CD48: variants seen among roughly 807,000 people sequenced by gnomAD.
The protein encoded by CD48 is CD48 antigen.
In CD48, 20 loss-of-function variants were observed where a neutral mutation model predicts 22.0. The observed-to-expected ratio is 0.91, with a 90% CI of 0.64 to 1.32. The LOEUF (loss-of-function observed/expected upper bound fraction) is 1.32. CD48 is among the 40% of genes most tolerant of loss of function. The pLI is 0.00. For missense variants in CD48, 307 were observed against 286.5 expected (o/e 1.07, Z -0.52); for synonymous variants, 110 against 110.1 (o/e 1.00, Z 0.01).
intron 1 of CD48, among the ~76,000 whole-genome samples, chr1:160,697,227 T>C (rs1386491172): frequency 6.6e-6 from 1 of 152,296 alleles, no homozygotes; most frequent in Non-Finnish European, 1.5e-5. Context: ...TTTGCTTGTG[T>C]TTCACCAGGA....
intron 1 of CD48, among the ~76,000 whole-genome samples, chr1:160,694,903 A>G (rs967380119): frequency 2.6e-4 from 39 of 152,180 alleles, no homozygotes; most frequent in Admixed American, 5.2e-4. Context: ...AAAGGGACAT[A>G]TTGAGCCTTC....
chr1:160,698,401 T>TTTAATTGCAGTGATTATGGGA (rs1236683297), intron 1 of CD48, among the ~76,000 whole-genome samples: 21 of 152,318 alleles, frequency 1.4e-4, no homozygotes, highest in African/African-American at 4.8e-4. Context: ...TCATTTTTAC[T>TTTAATTGCAGTGATTATGGGA]TTAATTGCAG....
chr1:160,711,621 C>G, intron 1 of CD48, 61 bp downstream of exon 1: 1 of 1,292,400 alleles, frequency 7.7e-7, no homozygotes, highest in South Asian at 1.2e-5. Flanking sequence ...TCCCGTCTCC[C>G]CTTTCCCAAC....
intron 1 of CD48, among the ~76,000 whole-genome samples, chr1:160,709,478 G>C (rs1369606378): frequency 6.6e-6 from 1 of 152,176 alleles, no homozygotes; most frequent in Non-Finnish European, 1.5e-5. Context: ...AAATTCCACA[G>C]CATGGAACCC....
At chr1:160,696,992 C>T (rs1445436729) in intron 1 of CD48, among the ~76,000 whole-genome samples, 2 of 151,256 alleles carry the variant, frequency 1.3e-5, no homozygotes, top group Non-Finnish European at 2.9e-5. Flanking sequence ...ATTAGTTAAA[C>T]AAAAAGAAGG....
At chr1:160,683,408 C>T (rs1055013353) in intron 2 of CD48, 1 of 152,094 alleles carries the variant, frequency 6.6e-6, no homozygotes, top group Admixed American at 6.5e-5. Flanking sequence ...TTTTTAAGTA[C>T]TCAGAAATTT....
In CD48 at chr1:160,681,205, G is replaced by A. The variant is rs1478908932; in HGVS notation, c.649C>T (p.Leu217=). ...AGCTCCCAGGGATCCTTCTTACCCA[G>A]GGTACAGGGTGGACTGAGGCAGACC... ...GTVCLSPPCT[L]ARSFGVEWIA... Residue 217 remains leucine, a synonymous_variant, in exon 3 of 4, where the codon CTG becomes TTG. Coordinates refer to ENST00000368046, the MANE Select transcript of CD48 (RefSeq NM_001778.4). 3 of 1,614,180 alleles carry A rather than the reference G, an allele frequency of 1.9e-6. No individual in the cohort carries two copies. Among genetic ancestry groups the A allele is most frequent in the Non-Finnish European group, 2.5e-6 (3 of 1,180,028 alleles).
At chr1:160,693,958 A>C (rs1051197610) in intron 1 of CD48, among the ~76,000 whole-genome samples, 6 of 152,248 alleles carry the variant, frequency 3.9e-5, no homozygotes, top group Non-Finnish European at 5.9e-5. Flanking sequence ...CAGTAGATTT[A>C]TGTACTATAC....
intron 1 of CD48, among the ~76,000 whole-genome samples, chr1:160,686,168 G>C (rs1661993263): frequency 6.6e-6 from 1 of 152,054 alleles, no homozygotes; most frequent in South Asian, 2.1e-4. Context: ...AAATTTTATG[G>C]CTGGCTTTGG....
chr1:160,694,681 A>G (rs901099586), intron 1 of CD48, among the ~76,000 whole-genome samples: 2 of 152,162 alleles, frequency 1.3e-5, no homozygotes, highest in South Asian at 2.1e-4. Context: ...AGGGACTAGG[A>G]AAAAATGAAG....
At chr1:160,701,827 A>G (rs1662639497) in intron 1 of CD48, among the ~76,000 whole-genome samples, 1 of 152,150 alleles carries the variant, frequency 6.6e-6, no homozygotes, top group Non-Finnish European at 1.5e-5. Flanking sequence ...AGCCAAGAGG[A>G]AGGCCATAAA....
At position 160,711,343 on chromosome 1, in the gene CD48, A is replaced by G. The variant is rs550633303; in HGVS notation, c.82+339T>C. On this transcript the variant is annotated intron_variant, in intron 1 of 3. Coordinates refer to ENST00000368046, the MANE Select transcript of CD48 (RefSeq NM_001778.4). ...AGTGTGTCTGAGCATAAAATGCAGC[A>G]GCTGTCAGTGTAGAGCTTCTTCTTA... Among the ~76,000 whole-genome samples, 7 of 152,356 alleles carry G rather than the reference A, an allele frequency of 4.6e-5. No individual in the cohort carries two copies. In the South Asian group the frequency reaches 1.0e-3, roughly 23 times the overall value.
intron 3 of CD48, among the ~76,000 whole-genome samples, chr1:160,679,384 T>C (rs913258820): frequency 1.3e-5 from 2 of 152,184 alleles, no homozygotes; most frequent in Admixed American, 1.3e-4. Flanking sequence ...CCTCGACATA[T>C]CTGTGGCCTG....
chr1:160,704,920 C>T (rs1337089021), intron 1 of CD48, among the ~76,000 whole-genome samples: 1 of 152,064 alleles, frequency 6.6e-6, no homozygotes, highest in Admixed American at 6.6e-5. Flanking sequence ...TCCATTGGTC[C>T]TTTTTGTGGA....
At chr1:160,708,663 G>T (rs186320196) in intron 1 of CD48, among the ~76,000 whole-genome samples, 33 of 152,298 alleles carry the variant, frequency 2.2e-4, no homozygotes, top group African/African-American at 7.7e-4. Flanking sequence ...CTAGACAAGT[G>T]GAGATGTCAT....
intron 1 of CD48, among the ~76,000 whole-genome samples, chr1:160,692,392 G>A (rs995385397): frequency 6.6e-6 from 1 of 152,168 alleles, no homozygotes; most frequent in Non-Finnish European, 1.5e-5. Context: ...AAAAGGTCCA[G>A]AATTAGTGGG....
intron 1 of CD48, among the ~76,000 whole-genome samples, chr1:160,689,957 A>G (rs1487807045): frequency 1.3e-5 from 2 of 152,204 alleles, no homozygotes; most frequent in African/African-American, 2.4e-5. Context: ...CAGTTACAGT[A>G]TTATCTTTAG....
At chr1:160,705,012 C>G (rs951552284) in intron 1 of CD48, among the ~76,000 whole-genome samples, 2 of 152,156 alleles carry the variant, frequency 1.3e-5, no homozygotes, top group African/African-American at 4.8e-5. Context: ...GAAATATGTC[C>G]TATATCACTC....
intron 1 of CD48, chr1:160,692,206 G>T (rs1662246620): frequency 6.6e-6 from 1 of 152,090 alleles, no homozygotes; most frequent in African/African-American, 2.4e-5. Flanking sequence ...AGTTTCTGAT[G>T]CCCCTGGAAG....
Sources: gnomAD v4.1 joint callset for allele counts (sites outside exome capture counted in the v4.1 genomes callset) on GRCh38, gnomAD v4.1.1 for gene constraint, MANE v1.5 for transcripts, NCBI Gene and HGNC (gene_info 2026-07-23, HGNC 2026-07-21) for gene names.